COP1: variants seen among roughly 807,000 people sequenced by gnomAD.
COP1 encodes the protein E3 ubiquitin-protein ligase COP1.
Under a neutral mutation model 101.3 loss-of-function variants are expected in COP1, and 24 were observed. That is an observed-to-expected ratio of 0.24 (90% CI 0.17 to 0.33). The LOEUF (loss-of-function observed/expected upper bound fraction) is 0.33, where lower values mean the gene tolerates loss of function less well. Ranked by LOEUF, COP1 falls within the 10% of genes least tolerant of loss-of-function variation. The pLI is 1.00. For missense variants in COP1, 663 were observed against 906.2 expected (o/e 0.73, Z 3.45); for synonymous variants, 347 against 341.9 (o/e 1.01, Z -0.17).
chr1:176,035,832 T>A (rs921366155), intron 14 of COP1, among the ~76,000 whole-genome samples: 1 of 151,738 alleles, frequency 6.6e-6, no homozygotes, highest in African/African-American at 2.4e-5. Flanking sequence ...TTCTTTTCAA[T>A]GCATTTGAAA....
Position 176,048,344 on chromosome 1 carries a change from T to TA in COP1, c.1278-2021dup, listed in dbSNP as rs199875514. 1.3e-4 allele frequency among the ~76,000 whole-genome samples: 20 copies of TA among 149,726 alleles called. No homozygotes were observed. The East Asian group carries it at 1.4e-3, about 10-fold the overall frequency. ...CGTCAGACATGGTGCCCAGCCAATT[T>TA]AAAAAAAAAATTTATTCAGTTAAGT... On this transcript the variant is annotated intron_variant, in intron 11 of 19. Transcript: ENST00000367669.
chr1:175,993,216 A>G lies in COP1; in HGVS notation c.1730-3737T>C, dbSNP rs527962476. Among the ~76,000 whole-genome samples, 6 of 152,338 alleles carry G rather than the reference A, an allele frequency of 3.9e-5. No homozygotes were observed. The East Asian group carries it at 9.6e-4, about 24-fold the overall frequency. ...TTAGAAGGAAAACTAACAAACAGAA[A>G]GGACATCCACACCAAAAACCCATCT... On this transcript the variant is annotated intron_variant, in intron 15 of 19. Transcript: ENST00000367669.
chr1:176,040,563 G>C (rs1201071217), intron 14 of COP1, among the ~76,000 whole-genome samples: 1 of 152,100 alleles, frequency 6.6e-6, no homozygotes. Context: ...TCCTGCCTCA[G>C]CCTCCAAAAT....
At chr1:176,014,671 A>G (rs748235552) in intron 15 of COP1, among the ~76,000 whole-genome samples, 29 of 152,296 alleles carry the variant, frequency 1.9e-4, no homozygotes, top group South Asian at 6.2e-4. Flanking sequence ...TACAACCTGA[A>G]ATCAAAACTC....
intron 6 of COP1, among the ~76,000 whole-genome samples, chr1:176,140,799 C>T (rs920239873): frequency 3.9e-5 from 6 of 152,132 alleles, no homozygotes; most frequent in African/African-American, 1.2e-4. Flanking sequence ...AACACCATTA[C>T]AGAGTTTGGT....
intron 15 of COP1, among the ~76,000 whole-genome samples, chr1:176,004,485 G>A (rs1662576933): frequency 7.0e-6 from 1 of 142,296 alleles, no homozygotes; most frequent in Non-Finnish European, 1.5e-5. Context: ...AATGGCTGTG[G>A]GTTTGTCATA....
intron 15 of COP1, among the ~76,000 whole-genome samples, chr1:176,021,424 G>A (rs1020238408): frequency 2.0e-5 from 3 of 152,112 alleles, no homozygotes; most frequent in African/African-American, 7.2e-5. Flanking sequence ...TTTATTTTGA[G>A]AGAATTAATT....
At chr1:176,172,322 T>G (rs529933174) in intron 3 of COP1, among the ~76,000 whole-genome samples, 1 of 152,212 alleles carries the variant, frequency 6.6e-6, no homozygotes, top group Non-Finnish European at 1.5e-5. Flanking sequence ...GATTATAGGT[T>G]TGAGCCACTG....
chr1:176,019,033 G>C (rs1377450182), intron 15 of COP1, among the ~76,000 whole-genome samples: 1 of 151,980 alleles, frequency 6.6e-6, no homozygotes, highest in East Asian at 1.9e-4. Context: ...AGACATGGTG[G>C]TACACACCTG....
At position 176,056,178 on chromosome 1, in the gene COP1, T is replaced by C. The variant is rs140029946; in HGVS notation, c.1278-9854A>G. On this transcript the variant is annotated intron_variant, in intron 11 of 19. Transcript: ENST00000367669. ...TGTGATCAGAAAATGTTAATTTTTA[T>C]TTTCTGTAATTTGAGATTTGGTATA... is the stretch of plus-strand genomic sequence containing the variant. Among the ~76,000 whole-genome samples the C allele has an allele frequency of 2.6e-3, 399 of 152,326 alleles. 3 individuals carry two copies. The highest frequency in any genetic ancestry group is 9.2e-3 in the African/African-American group (381 of 41,584).
intron 9 of COP1, among the ~76,000 whole-genome samples, chr1:176,098,276 T>C (rs1038461597): frequency 5.3e-5 from 8 of 152,160 alleles, no homozygotes; most frequent in African/African-American, 1.4e-4. Context: ...AAAGGTAAAA[T>C]TGCTAAGAGT....
At position 176,162,941 on chromosome 1, in the gene COP1, T is replaced by C. The variant is rs767301346; in HGVS notation, c.690A>G (p.Gln230=). The stretch of plus-strand genomic sequence containing the variant: ...TGACATTGGCCAAATCAAGGTTATC[T>C]TGGTCAGTTCCCAACCAATCTTGAA... The part of the protein sequence containing the change: ...QIFQDWLGTD[Q]DNLDLANVNL... The change falls in exon 5 of 20, where the codon CAA becomes CAG. Residue 230 remains glutamine (Q), a synonymous_variant. Transcript: ENST00000367669. The C allele has an allele frequency of 8.1e-6, 13 of 1,610,498 alleles. No individual in the cohort carries two copies. Among genetic ancestry groups the C allele is most frequent in the Non-Finnish European group, 9.3e-6 (11 of 1,178,414 alleles).
chr1:176,111,185 T>C (rs1228901811), intron 9 of COP1, among the ~76,000 whole-genome samples: 1 of 152,176 alleles, frequency 6.6e-6, no homozygotes, highest in African/African-American at 2.4e-5. Context: ...ACAGTATTTA[T>C]CTCACAGAGT....
At chr1:176,151,814 T>C (rs914470803) in intron 5 of COP1, among the ~76,000 whole-genome samples, 74 of 152,182 alleles carry the variant, frequency 4.9e-4, no homozygotes, top group Non-Finnish European at 5.9e-5. Flanking sequence ...AAATAACTAA[T>C]GTAACTGATT....
intron 15 of COP1, among the ~76,000 whole-genome samples, chr1:176,009,888 GGT>G (rs1553217400): frequency 1.6e-5 from 2 of 121,344 alleles, no homozygotes; most frequent in Non-Finnish European, 3.5e-5. Flanking sequence ...GGGGGGGGGG[GGT>G]CCGCAATAAT....
chr1:176,036,932 A>G (rs371716051), intron 14 of COP1, among the ~76,000 whole-genome samples: 1 of 152,200 alleles, frequency 6.6e-6, no homozygotes, highest in South Asian at 2.1e-4. Context: ...CTTGTAACAA[A>G]TAAAATGTAT....
At chr1:176,164,294 T>G (rs905867220) in intron 3 of COP1, among the ~76,000 whole-genome samples, 2 of 152,178 alleles carry the variant, frequency 1.3e-5, no homozygotes, top group Non-Finnish European at 2.9e-5. Flanking sequence ...TCTTTGTAAT[T>G]CTTCTAAAAA....
intron 5 of COP1, among the ~76,000 whole-genome samples, chr1:176,151,817 A>G (rs948695605): frequency 1.3e-5 from 2 of 152,210 alleles, no homozygotes; most frequent in African/African-American, 4.8e-5. Context: ...TAACTAATGT[A>G]ACTGATTTTT....
chr1:176,123,858 C>A (rs1021574247), intron 8 of COP1, among the ~76,000 whole-genome samples: 2 of 152,114 alleles, frequency 1.3e-5, no homozygotes, highest in African/African-American at 4.8e-5. Context: ...GTAACACAGA[C>A]TTATCACCAA....
Sources: gnomAD v4.1 joint callset for allele counts (sites outside exome capture counted in the v4.1 genomes callset) on GRCh38, gnomAD v4.1.1 for gene constraint, MANE v1.5 for transcripts, NCBI Gene and HGNC (gene_info 2026-07-23, HGNC 2026-07-21) for gene names.